The following SLC9A9 variants were observed in gnomAD, a reference collection of about 807,000 sequenced individuals.
The protein encoded by SLC9A9 is solute carrier family 9 member A9.
Under a neutral mutation model 77.8 loss-of-function variants are expected in SLC9A9, and 62 were observed. The ratio of observed to expected loss-of-function variants is 0.80; its 90% CI spans 0.65 to 0.98. SLC9A9 has a LOEUF of 0.98. SLC9A9 is among the 50% of genes least tolerant of loss of function. The pLI, the probability that SLC9A9 is intolerant of heterozygous loss-of-function variation, is 0.00. For synonymous variants in SLC9A9, 320 were observed against 283.5 expected, an observed-to-expected ratio of 1.13 and a Z score of -1.29; for missense variants, 775 against 774.9, an observed-to-expected ratio of 1.00 and a Z score of 0.00.
Position 143,606,422 on chromosome 3 carries a change from CTCTCTCTCTCTCTCTA to C in SLC9A9, c.756-27715_756-27700del, listed in dbSNP as rs1181574844. ...TGAATCTCTCTCTCTCTCTCTCTCT[CTCTCTCTCTCTCTCTA>C]TATATATATATATATATATATATGT... On this transcript the variant is annotated intron_variant, in intron 6 of 15. Coordinates refer to ENST00000316549, the MANE Select transcript of SLC9A9 (RefSeq NM_173653.4). Among the ~76,000 whole-genome samples, 8 of 73,110 alleles carry C rather than the reference CTCTCTCTCTCTCTCTA, an allele frequency of 1.1e-4. No individual in the cohort carries two copies. The East Asian group carries it at 3.9e-3, about 36-fold the overall frequency. The allele number at this position is 73,110 out of a possible 152,430, so 48.0% of individuals were successfully genotyped here.
chr3:143,667,108 A>G (rs1025478904), intron 5 of SLC9A9, among the ~76,000 whole-genome samples: 3 of 152,364 alleles, frequency 2.0e-5, no homozygotes, highest in Admixed American at 2.0e-4. Context: ...TAACTAAAAC[A>G]GCATGGTACT....
intron 6 of SLC9A9, among the ~76,000 whole-genome samples, chr3:143,640,159 C>A (rs923347897): frequency 1.3e-5 from 2 of 151,708 alleles, no homozygotes; most frequent in South Asian, 2.1e-4. Flanking sequence ...TTAGCTGGGA[C>A]TACAGGCACC....
At chr3:143,495,543 C>G in intron 9 of SLC9A9, 95 bp from the exon 10 acceptor site, 1 of 936,046 alleles carries the variant, frequency 1.1e-6, no homozygotes, top group South Asian at 1.3e-5. Flanking sequence ...GACTGGGTCT[C>G]CTTTATCTGG....
chr3:143,821,833 C>T (rs2009172625), intron 2 of SLC9A9, among the ~76,000 whole-genome samples: 2 of 152,214 alleles, frequency 1.3e-5, no homozygotes, highest in South Asian at 4.1e-4. Context: ...TTTACTCCAA[C>T]TATGTGTTAA....
chr3:143,428,229 CA>C (rs796279929), intron 12 of SLC9A9, among the ~76,000 whole-genome samples: 4 of 149,038 alleles, frequency 2.7e-5, no homozygotes, highest in Admixed American at 6.7e-5. Context: ...CACTCAATAG[CA>C]AAAAAAAATC....
chr3:143,324,976 A>T (rs1191889486), intron 14 of SLC9A9, among the ~76,000 whole-genome samples: 3 of 151,852 alleles, frequency 2.0e-5, no homozygotes, highest in African/African-American at 7.3e-5. Flanking sequence ...AACATTTTCC[A>T]TGGAAAAATA....
chr3:143,434,458 G>GAAGA (rs1389294842), intron 12 of SLC9A9, among the ~76,000 whole-genome samples: 1 of 152,182 alleles, frequency 6.6e-6, no homozygotes, highest in African/African-American at 2.4e-5. Context: ...CCTCTGGGCT[G>GAAGA]AAGAAGTCCT....
rs537290898 is a variant in SLC9A9, at chr3:143,743,885, A to AT, written c.534-50579dup. ...AAGGCATGAGAGTGAGGAGAAGGAT[A>AT]TTTTTTTCTGCTGCACAATTCTTTG... On this transcript the variant is annotated intron_variant, in intron 4 of 15. Transcript: ENST00000316549. Among the ~76,000 whole-genome samples, 49 of 152,216 alleles carry AT rather than the reference A, an allele frequency of 3.2e-4. 1 individual carries two copies. In the East Asian group the frequency reaches 6.2e-3, roughly 19 times the overall value.
intron 14 of SLC9A9, among the ~76,000 whole-genome samples, chr3:143,280,614 C>T (rs1938188510): frequency 6.9e-6 from 1 of 145,102 alleles, no homozygotes; most frequent in Non-Finnish European, 1.5e-5. Flanking sequence ...TGCAGTGGTG[C>T]CATCTTGGCT....
At chr3:143,479,402 C>T (rs1267543972) in intron 11 of SLC9A9, among the ~76,000 whole-genome samples, 1 of 151,378 alleles carries the variant, frequency 6.6e-6, no homozygotes, top group Non-Finnish European at 1.5e-5. Flanking sequence ...TGAGCACCAC[C>T]TCCCCTGCCT....
rs1187635855 is a variant in SLC9A9, at chr3:143,265,656, G to A, written c.*1046C>T. 7 of 393,574 alleles carry A rather than the reference G, an allele frequency of 1.8e-5. No individual in the cohort carries two copies. Among genetic ancestry groups the A allele is most frequent in the African/African-American group, 1.4e-4 (7 of 48,520 alleles). The allele number at this position is 393,574 out of a possible 1,614,324, so 24.4% of individuals were successfully genotyped here. On this transcript the variant is annotated 3_prime_UTR_variant, in exon 16 of 16. Transcript: ENST00000316549. ...CAGCTGAATTAAAAGCTATCATGTT[G>A]GTCTCTGGAATGCAGGCCATGAGCC... is the stretch of plus-strand genomic sequence containing the variant.
intron 14 of SLC9A9, among the ~76,000 whole-genome samples, chr3:143,282,354 C>CT (rs1363296857): frequency 6.6e-6 from 1 of 152,196 alleles, no homozygotes; most frequent in Admixed American, 6.5e-5. Context: ...CCACCAAATA[C>CT]TTTACAGACT....
intron 11 of SLC9A9, among the ~76,000 whole-genome samples, chr3:143,475,634 T>A (rs1045288971): frequency 6.6e-6 from 1 of 151,368 alleles, no homozygotes; most frequent in Non-Finnish European, 1.5e-5. Flanking sequence ...CTACTACAAG[T>A]ACAAAAAATT....
chr3:143,751,725 G>A (rs1018274969), intron 4 of SLC9A9, among the ~76,000 whole-genome samples: 1 of 152,208 alleles, frequency 6.6e-6, no homozygotes, highest in African/African-American at 2.4e-5. Context: ...TGAGAGGGAT[G>A]ACAGGAAGTA....
In SLC9A9 at chr3:143,642,507, A is replaced by G. The variant is rs115190893; in HGVS notation, c.755+9748T>C. Among the ~76,000 whole-genome samples, 600 of 152,358 alleles carry G rather than the reference A, an allele frequency of 3.9e-3. 1 individual carries two copies. Among genetic ancestry groups the G allele is most frequent in the Admixed American group, 7.2e-3 (110 of 15,304 alleles). ...TCTTTAAAATTAAAAACACAACAAAATAAACCTAAAACCTGCAATGTATTT... is the reference window on the plus strand; with the variant it reads ...TCTTTAAAATTAAAAACACAACAAAGTAAACCTAAAACCTGCAATGTATTT... On this transcript the variant is annotated intron_variant, in intron 6 of 15. Transcript: ENST00000316549.
chr3:143,561,388 C>A (rs2037081688), intron 8 of SLC9A9, among the ~76,000 whole-genome samples: 1 of 151,928 alleles, frequency 6.6e-6, no homozygotes, highest in East Asian at 1.9e-4. Context: ...TTATTTACCT[C>A]AAGAAACTGG....
intron 11 of SLC9A9, among the ~76,000 whole-genome samples, chr3:143,484,751 G>A (rs1017561298): frequency 6.6e-6 from 1 of 152,190 alleles, no homozygotes; most frequent in Non-Finnish European, 1.5e-5. Context: ...GTGTCATGTA[G>A]ATGAGAAGTT....
At chr3:143,447,691 T>C (rs2034869790) in intron 12 of SLC9A9, among the ~76,000 whole-genome samples, 1 of 152,204 alleles carries the variant, frequency 6.6e-6, no homozygotes, top group African/African-American at 2.4e-5. Flanking sequence ...CTCATAATGC[T>C]GACAATGGTT....
At chr3:143,665,306 T>A (rs562875541) in intron 5 of SLC9A9, among the ~76,000 whole-genome samples, 1 of 152,254 alleles carries the variant, frequency 6.6e-6, no homozygotes, top group Non-Finnish European at 1.5e-5. Flanking sequence ...AGACACAACA[T>A]ACCAGAATCT....
Sources: allele counts gnomAD v4.1 joint callset (sites outside exome capture counted in the v4.1 genomes callset), GRCh38; gene constraint gnomAD v4.1.1; transcripts MANE v1.5; gene names NCBI Gene and HGNC (gene_info 2026-07-23, HGNC 2026-07-21).